STKLD1: variants seen among roughly 807,000 people sequenced by gnomAD.
The protein encoded by STKLD1 is serine/threonine kinase-like domain-containing protein STKLD1.
A neutral mutation model predicts 80.4 loss-of-function variants in STKLD1; 79 were observed. The ratio of observed to expected loss-of-function variants is 0.98; its 90% CI spans 0.82 to 1.19. The LOEUF (loss-of-function observed/expected upper bound fraction) is 1.19. Among genes scored for constraint, STKLD1 ranks in the 50% most tolerant of loss-of-function variants. The pLI, the probability that STKLD1 is intolerant of heterozygous loss-of-function variation, is 0.00. For missense variants in STKLD1, 841 were observed against 856.0 expected, an observed-to-expected ratio of 0.98 and a Z score of 0.22; for synonymous variants, 393 against 357.6, an observed-to-expected ratio of 1.10 and a Z score of -1.12.
chr9:133,402,064 T>C (rs890828839), intron 13 of STKLD1, among the ~76,000 whole-genome samples, 186 bp downstream of exon 13: 1 of 152,182 alleles, frequency 6.6e-6, no homozygotes, highest in Non-Finnish European at 1.5e-5. Flanking sequence ...TCCTTTTCCA[T>C]CTTGATGACA....
chr9:133,403,078 C>T, intron 14 of STKLD1, 66 bp downstream of exon 14: 1 of 1,479,038 alleles, frequency 6.8e-7, no homozygotes, highest in Admixed American at 2.2e-5. Context: ...TCCCTAACTG[C>T]CCCTGAGAGC....
intron 11 of STKLD1, among the ~76,000 whole-genome samples, chr9:133,399,367 G>A (rs183907611): frequency 5.3e-5 from 8 of 152,268 alleles, no homozygotes; most frequent in Admixed American, 6.5e-5. Flanking sequence ...TGGCCTTTGA[G>A]TAGGTAGCAG....
At position 133,405,251 on chromosome 9, in the gene STKLD1, G is replaced by C. The variant is rs1453978387; in HGVS notation, c.1874-1G>C. 6.2e-7 allele frequency: 1 copy of C among 1,601,134 alleles called. No individual in the cohort carries two copies. Among genetic ancestry groups the C allele is most frequent in the Non-Finnish European group, 8.5e-7 (1 of 1,173,174 alleles). On this transcript the variant is annotated splice_acceptor_variant, in intron 17 of 17. Transcript: ENST00000371957. LOFTEE classifies it high-confidence loss of function. The stretch of plus-strand genomic sequence containing the variant: ...TCAGGACCTTCCTGCTCCACCTGCA[G>C]AGGAGATCCTGCCGGAGCTGGTGTC...
intron 17 of STKLD1, 119 bp downstream of exon 17, chr9:133,405,048 C>T (rs1838814372): frequency 4.2e-6 from 6 of 1,437,274 alleles, no homozygotes; most frequent in Non-Finnish European, 5.7e-6. Flanking sequence ...CTTCTCGGCC[C>T]ACTTAAACTT....
intron 13 of STKLD1, among the ~76,000 whole-genome samples, chr9:133,402,539 G>C (rs781986584): frequency 1.3e-5 from 2 of 152,236 alleles, no homozygotes; most frequent in Non-Finnish European, 2.9e-5. Context: ...TCATCCTACC[G>C]GGATAGGGCC....
chr9:133,395,584 T>G lies in STKLD1; in HGVS notation c.703-16T>G, dbSNP rs587609351. The G allele has an allele frequency of 5.8e-5, 94 of 1,612,088 alleles. 1 individual carries two copies. The South Asian group carries it at 1.0e-3, about 17-fold the overall frequency. ...TTACTTAAGGGAATACACAGAGCTGTCCTCTCTCCGTGCAGGGCACAGAAG... is the reference window on the plus strand; with the variant it reads ...TTACTTAAGGGAATACACAGAGCTGGCCTCTCTCCGTGCAGGGCACAGAAG... On this transcript the variant is annotated splice_polypyrimidine_tract_variant and intron_variant, in intron 8 of 17. Transcript: ENST00000371957.
At chr9:133,401,164 T>TG (rs1267295857) in intron 12 of STKLD1, among the ~76,000 whole-genome samples, 1 of 149,352 alleles carries the variant, frequency 6.7e-6, no homozygotes, top group Non-Finnish European at 1.5e-5. Context: ...TTTTTTGAGA[T>TG]GGAGTTTTGC....
intron 11 of STKLD1, among the ~76,000 whole-genome samples, chr9:133,398,833 GT>G (rs11289674): frequency 2.0e-5 from 3 of 151,410 alleles, no homozygotes; most frequent in South Asian, 2.1e-4. Context: ...GGGAAAAGCA[GT>G]TTTTTTTTGT....
Position 133,396,360 on chromosome 9 carries a change from G to A in STKLD1, c.866+597G>A, listed in dbSNP as rs140799864. ...TGAGGCAGGAGGATCGCTCGAGCCCGGGAGGCAGAGGTTGTTGCAGTGAGC... is the reference window on the plus strand; with the variant it reads ...TGAGGCAGGAGGATCGCTCGAGCCCAGGAGGCAGAGGTTGTTGCAGTGAGC... On this transcript the variant is annotated intron_variant, in intron 9 of 17. Transcript: ENST00000371957. Among the ~76,000 whole-genome samples the A allele has an allele frequency of 2.2e-3, 336 of 152,254 alleles. 1 individual carries two copies. The highest frequency in any genetic ancestry group is 7.2e-3 in the African/African-American group (300 of 41,542).
In STKLD1 at chr9:133,394,179, C is replaced by T. The variant is rs1371393628; in HGVS notation, c.584-112C>T. ...GGACCTGCAGGGCTTGTGTTTCAAG[C>T]TGCTTGCGGGGGGCCACCAAAGGGG... On this transcript the variant is annotated intron_variant, in intron 7 of 17. Transcript: ENST00000371957. This position sits in a 1 kb window ranked among gnomAD's most constrained non-coding sequence, Gnocchi z 4.9. 2.7e-6 allele frequency: 2 copies of T among 732,836 alleles called. No homozygotes were observed. The highest frequency in any genetic ancestry group is 2.0e-5 in the Admixed American group (1 of 50,466). The allele number at this position is 732,836 out of a possible 1,614,324, so 45.4% of individuals were successfully genotyped here. A position where few individuals can be genotyped will look rare whatever the true frequency, so the allele number is the denominator to read the frequency against.
rs2130274965 is a variant in STKLD1, at chr9:133,385,626, C to T, written c.229C>T (p.Leu77=). 4 of 1,613,344 alleles carry T rather than the reference C, an allele frequency of 2.5e-6. No individual in the cohort carries two copies. The highest frequency in any genetic ancestry group is 2.2e-5 in the East Asian group (1 of 44,888). The part of the protein sequence containing the change: ...ASQALEELMP[L]LKLRHAHISV... ...TGCTCTATCCTGGCAGCTGATGCCA[C>T]TGCTGAAGCTGCGGCACGCCCACAT... Residue 77 remains leucine (L), a synonymous_variant, in exon 4 of 18, where the codon CTG becomes TTG. Transcript: ENST00000371957. This position sits in a 1 kb window ranked among gnomAD's most constrained non-coding sequence, Gnocchi z 4.9.
rs1838604747 is a variant in STKLD1, at chr9:133,397,940, A to C, written c.998-32A>C. Reference sequence around the variant, plus strand: ...GAGCCCCGAGGCCCTGGTCCTCAGAAAGGTCCCTCCCCTGCCTTCCTGTCC... The same window carrying C: ...GAGCCCCGAGGCCCTGGTCCTCAGACAGGTCCCTCCCCTGCCTTCCTGTCC... On this transcript the variant is annotated intron_variant, in intron 10 of 17. Coordinates refer to ENST00000371957, the MANE Select transcript of STKLD1 (RefSeq NM_153710.5). 7 of 1,595,832 alleles carry C rather than the reference A, an allele frequency of 4.4e-6. No individual in the cohort carries two copies. The East Asian group carries it at 6.7e-5, about 15-fold the overall frequency.
Position 133,405,495 on chromosome 9 carries a change from C to A in STKLD1, c.*74C>A. On this transcript the variant is annotated 3_prime_UTR_variant, in exon 18 of 18. Coordinates refer to ENST00000371957, the MANE Select transcript of STKLD1 (RefSeq NM_153710.5). ...CTGCTCTCCTGCCTGCCTATTATCC[C>A]ATCTCTATGACTGGGCCAAAATCAA... The A allele has an allele frequency of 1.4e-6, 2 of 1,459,124 alleles. No individual in the cohort carries two copies. The highest frequency in any genetic ancestry group is 2.4e-5 in the East Asian group (1 of 42,090). The allele number at this position is 1,459,124 out of a possible 1,614,324, so 90.4% of individuals were successfully genotyped here. A position where few individuals can be genotyped will look rare whatever the true frequency, so the allele number is the denominator to read the frequency against.
chr9:133,394,333 T>A lies in STKLD1; in HGVS notation c.626T>A (p.Phe209Tyr). 6.2e-7 allele frequency: 1 copy of A among 1,613,704 alleles called. No individual in the cohort carries two copies. The highest frequency in any genetic ancestry group is 8.5e-7 in the Non-Finnish European group (1 of 1,179,876). Residue 209 changes from phenylalanine (F) to tyrosine (Y), a missense_variant, in exon 8 of 18, where the codon TTC becomes TAC. Coordinates refer to ENST00000371957, the MANE Select transcript of STKLD1 (RefSeq NM_153710.5). The surrounding 1 kb of genome is among the most constrained non-coding windows in gnomAD (Gnocchi z 4.9). Reference protein sequence around the residue: ...KSWMAPEALNFSFSQKSDIWS... With the variant: ...KSWMAPEALNYSFSQKSDIWS... ...TGGATGGCCCCTGAAGCCCTCAACT[T>A]CTCCTTCAGCCAGAAATCAGACATC...
intron 2 of STKLD1, among the ~76,000 whole-genome samples, chr9:133,382,673 T>C (rs879033061): frequency 6.6e-6 from 1 of 150,644 alleles, no homozygotes; most frequent in Admixed American, 6.6e-5. Context: ...GTGATGATAG[T>C]AATGGTGATG....
Position 133,400,288 on chromosome 9 carries a change from T to A in STKLD1, c.1082-125T>A, listed in dbSNP as rs1046377991. On this transcript the variant is annotated intron_variant, in intron 11 of 17. Coordinates refer to ENST00000371957, the MANE Select transcript of STKLD1 (RefSeq NM_153710.5). ...GACCTAGCGCTAATCCTCATTGTCC[T>A]TCCCCCTTCTATTCACCCACCTAGG... 2.9e-5 allele frequency: 20 copies of A among 695,574 alleles called. No homozygotes were observed. In the African/African-American group the frequency reaches 3.0e-4, roughly 10 times the overall value. The allele number at this position is 695,574 out of a possible 1,614,324, so 43.1% of individuals were successfully genotyped here. A position where few individuals can be genotyped will look rare whatever the true frequency, so the allele number is the denominator to read the frequency against.
At position 133,390,989 on chromosome 9, in the gene STKLD1, A is replaced by AG. The variant is rs11437492; in HGVS notation, c.583+196dup. 0.12 allele frequency among the ~76,000 whole-genome samples: 17,859 copies of AG among 152,188 alleles called. 1,382 individuals are homozygous for AG. The highest frequency in any genetic ancestry group is 0.22 in the African/African-American group (8,966 of 41,470). On this transcript the variant is annotated intron_variant, in intron 7 of 17. Coordinates refer to ENST00000371957, the MANE Select transcript of STKLD1 (RefSeq NM_153710.5). This position sits in a 1 kb window ranked among gnomAD's most constrained non-coding sequence, Gnocchi z 5.1. ...GCAACTGAGCAGGCGTGCCACCACC[A>AG]GGGCAGAGGCAGGGCCCCACAGACA...
Position 133,400,797 on chromosome 9 carries a change from C to G in STKLD1, c.1198+268C>G, listed in dbSNP as rs587747984. ...CCATGCCATCCTGTGCCCATCAGAC[C>G]CCATCCTGGATGGCAGAGAGGGCAC... On this transcript the variant is annotated intron_variant, in intron 12 of 17. Transcript: ENST00000371957. 8.5e-5 allele frequency among the ~76,000 whole-genome samples: 13 copies of G among 152,302 alleles called. No homozygotes were observed. The South Asian group carries it at 1.9e-3, about 22-fold the overall frequency.
At chr9:133,381,962 G>A (rs189619330) in intron 2 of STKLD1, among the ~76,000 whole-genome samples, 81 of 152,306 alleles carry the variant, frequency 5.3e-4, no homozygotes, top group Non-Finnish European at 9.1e-4. Flanking sequence ...CATTATAAGA[G>A]TACTTCATTC....
Sources: allele counts gnomAD v4.1 joint callset (sites outside exome capture counted in the v4.1 genomes callset), GRCh38; gene constraint gnomAD v4.1.1; non-coding constraint Gnocchi (gnomAD v3.1); transcripts MANE v1.5; gene names NCBI Gene and HGNC (gene_info 2026-07-23, HGNC 2026-07-21).